Variants in VPS16 observed in about 807,000 individuals in gnomAD.
VPS16 encodes the protein vacuolar protein sorting-associated protein 16 homolog.
VPS16 carries 82 observed loss-of-function variants against 116.0 expected under a neutral mutation model. The observed-to-expected ratio is 0.71, with a 90% CI of 0.59 to 0.85. The LOEUF (loss-of-function observed/expected upper bound fraction) is 0.85, where lower values mean the gene tolerates loss of function less well. Among genes scored for constraint, VPS16 ranks in the 40% least tolerant of loss-of-function variants. The pLI, the probability that VPS16 is intolerant of heterozygous loss-of-function variation, is 0.00. For synonymous variants in VPS16, 406 were observed against 420.7 expected (o/e 0.96, Z 0.43); for missense variants, 928 against 1,090.6 (o/e 0.85, Z 2.10).
At position 2,860,542 on chromosome 20, in the gene VPS16, C is replaced by G; in HGVS notation, c.463C>G (p.Leu155Val). 1 of 1,613,978 alleles carries G rather than the reference C, an allele frequency of 6.2e-7. No individual in the cohort carries two copies. Among genetic ancestry groups the G allele is most frequent in the Non-Finnish European group, 8.5e-7 (1 of 1,180,018 alleles). The change falls in exon 5 of 24, where the codon CTC becomes GTC. Residue 155 changes from leucine to valine, a missense_variant. Physicochemically the swap from Leu to Val is conservative, Grantham distance 32. Coordinates refer to ENST00000380445, the MANE Select transcript of VPS16 (RefSeq NM_022575.4). The surrounding 1 kb of genome is among the most constrained non-coding windows in gnomAD (Gnocchi z 6.1). ...CCTCACAGGGGCCCACCGCTTCACC[C>G]TCAGTGCCAATGTGGGTGACCTCAA... is the stretch of plus-strand genomic sequence containing the variant. ...AILTGAHRFT[L>V]SANVGDLKLR...
chr20:2,850,764 T>G (rs1267154001), intron 1 of VPS16, among the ~76,000 whole-genome samples: 1 of 151,162 alleles, frequency 6.6e-6, no homozygotes, highest in African/African-American at 2.4e-5. Flanking sequence ...GCCCAGGAGT[T>G]TGAGACCAGC....
At chr20:2,840,907 CCTGTCA>C in intron 1 of VPS16, 80 bp downstream of exon 1, 1 of 1,379,082 alleles carries the variant, frequency 7.3e-7, no homozygotes, top group South Asian at 1.3e-5. Flanking sequence ...GGCGTTCGCC[CCTGTCA>C]CTACTGGCGC....
chr20:2,841,473 C>G (rs1267421859), intron 1 of VPS16, among the ~76,000 whole-genome samples: 2 of 152,248 alleles, frequency 1.3e-5, no homozygotes, highest in African/African-American at 4.8e-5. Flanking sequence ...TACCGCTCTC[C>G]TACCCAAATC....
intron 1 of VPS16, among the ~76,000 whole-genome samples, chr20:2,842,812 C>CTATCGATAGACAGATAGATG (rs2089007905): frequency 1.6e-5 from 2 of 123,358 alleles, no homozygotes; most frequent in African/African-American, 7.0e-5. Context: ...ATAGATGTAT[C>CTATCGATAGACAGATAGATG]TATCTATAGA....
intron 1 of VPS16, among the ~76,000 whole-genome samples, chr20:2,842,167 T>A (rs906076611): frequency 6.6e-6 from 1 of 152,172 alleles, no homozygotes; most frequent in African/African-American, 2.4e-5. Flanking sequence ...CCGAGCTTTG[T>A]GGCATGTTCC....
At position 2,860,565 on chromosome 20, in the gene VPS16, C is replaced by G. The variant is rs985736911; in HGVS notation, c.486C>G (p.Leu162=). The G allele has an allele frequency of 3.1e-6, 5 of 1,613,734 alleles. No homozygotes were observed. The highest frequency in any genetic ancestry group is 3.3e-5 in the Admixed American group (2 of 59,994). Residue 162 remains leucine (L), a synonymous_variant, in exon 5 of 24, where the codon CTC becomes CTG. Coordinates refer to ENST00000380445, the MANE Select transcript of VPS16 (RefSeq NM_022575.4). The surrounding 1 kb of genome is among the most constrained non-coding windows in gnomAD (Gnocchi z 6.1). The part of the protein sequence containing the change: ...RFTLSANVGD[L]KLRRMPEVPG... ...CCCTCAGTGCCAATGTGGGTGACCT[C>G]AAACTCCGCCGGATGCCAGAGGTGC...
At chr20:2,855,982 T>G (rs2089168013) in intron 1 of VPS16, among the ~76,000 whole-genome samples, 1 of 152,226 alleles carries the variant, frequency 6.6e-6, no homozygotes, top group Non-Finnish European at 1.5e-5. Context: ...CTTCAAGAAC[T>G]TTTCCTTTGC....
intron 1 of VPS16, among the ~76,000 whole-genome samples, chr20:2,848,947 G>C (rs1288319975): frequency 2.0e-5 from 3 of 152,154 alleles, no homozygotes; most frequent in Non-Finnish European, 4.4e-5. Context: ...TTGGGGTCAC[G>C]TATTGTCTTT....
intron 1 of VPS16, among the ~76,000 whole-genome samples, chr20:2,841,362 C>A (rs1303522765): frequency 1.3e-5 from 2 of 152,180 alleles, no homozygotes; most frequent in African/African-American, 4.8e-5. Context: ...ACATCGTTAC[C>A]CAGATTAGGA....
At chr20:2,858,863 C>T (rs966446332) in intron 1 of VPS16, among the ~76,000 whole-genome samples, 14 of 152,158 alleles carry the variant, frequency 9.2e-5, no homozygotes, top group African/African-American at 2.9e-4. Context: ...CAATCCAGGA[C>T]GACTCCCAGC....
rs375219360 is a variant in VPS16, at chr20:2,863,001, G to A, written c.1332-64G>A. 1.3e-4 allele frequency: 212 copies of A among 1,614,018 alleles called. No individual in the cohort carries two copies. The Middle Eastern group carries it at 1.6e-3, about 13-fold the overall frequency. On this transcript the variant is annotated intron_variant, in intron 13 of 23. Coordinates refer to ENST00000380445, the MANE Select transcript of VPS16 (RefSeq NM_022575.4). This position sits in a 1 kb window ranked among gnomAD's most constrained non-coding sequence, Gnocchi z 4.4. ...TGGCAGGGGAAGGGGCTGGAGATGCGTCTGCAGGTACCTGGCAAGCGGGGC... is the reference window on the plus strand; with the variant it reads ...TGGCAGGGGAAGGGGCTGGAGATGCATCTGCAGGTACCTGGCAAGCGGGGC...
chr20:2,860,895 G>A lies in VPS16; in HGVS notation c.630+32G>A. The A allele has an allele frequency of 1.9e-6, 3 of 1,614,106 alleles. No homozygotes were observed. Among genetic ancestry groups the A allele is most frequent in the Non-Finnish European group, 2.5e-6 (3 of 1,180,048 alleles). The stretch of plus-strand genomic sequence containing the variant: ...GCCCTGAGTGGGAATGAAGTGGACG[G>A]GCTGGGTTAGGCAATAGGGAGGTTC... On this transcript the variant is annotated intron_variant, in intron 6 of 23. Transcript: ENST00000380445. This position sits in a 1 kb window ranked among gnomAD's most constrained non-coding sequence, Gnocchi z 6.1.
Position 2,862,094 on chromosome 20 carries a change from C to G in VPS16, c.1035C>G (p.Pro345=). 1 of 1,613,828 alleles carries G rather than the reference C, an allele frequency of 6.2e-7. No homozygotes were observed. The highest frequency in any genetic ancestry group is 8.5e-7 in the Non-Finnish European group (1 of 1,179,920). The change falls in exon 11 of 24, where the codon CCC becomes CCG. Residue 345 remains proline (P), a synonymous_variant. Coordinates refer to ENST00000380445, the MANE Select transcript of VPS16 (RefSeq NM_022575.4). ...EEIFKIASMA[P]GALLLEAQKE... is the part of the protein sequence containing the mutation. ...TCTTCAAAATTGCCTCAATGGCCCC[C>G]GGGGCGCTGCTCCTGGAGGCTCAGA...
At position 2,865,166 on chromosome 20, in the gene VPS16, C is replaced by T. The variant is rs772613070; in HGVS notation, c.2023C>T (p.Arg675Trp). 12 of 1,614,024 alleles carry T rather than the reference C, an allele frequency of 7.4e-6. No homozygotes were observed. Among genetic ancestry groups the T allele is most frequent in the Admixed American group, 3.3e-5 (2 of 60,002 alleles). Residue 675 changes from arginine to tryptophan, a missense_variant, in exon 21 of 24, where the codon CGG becomes TGG. Transcript: ENST00000380445. This position sits in a 1 kb window ranked among gnomAD's most constrained non-coding sequence, Gnocchi z 5.2. ...FAAKATEDQM[R>W]LLRLQRRLED... ...TCCCCAGGCTACAGAGGATCAAATG[C>T]GGCTCCTACGGCTGCAGCGGCGCCT...
rs912095392 is a variant in VPS16 at position 2,864,975 on chromosome 20, T to C, written c.1927-3T>C. On this transcript the variant is annotated splice_region_variant and splice_polypyrimidine_tract_variant and intron_variant, in intron 19 of 23. Transcript: ENST00000380445. This position sits in a 1 kb window ranked among gnomAD's most constrained non-coding sequence, Gnocchi z 5.2. ...GTTCAGGCCTTCCTTCTTGTCTTTATAGCGTATTGAGGGGCGAGTAGCAGC... is the reference window on the plus strand; with the variant it reads ...GTTCAGGCCTTCCTTCTTGTCTTTACAGCGTATTGAGGGGCGAGTAGCAGC... 6.2e-7 allele frequency: 1 copy of C among 1,614,150 alleles called. No individual in the cohort carries two copies. The highest frequency in any genetic ancestry group is 8.5e-7 in the Non-Finnish European group (1 of 1,180,010).
At chr20:2,851,908 T>A (rs1247352828) in intron 1 of VPS16, among the ~76,000 whole-genome samples, 1 of 152,092 alleles carries the variant, frequency 6.6e-6, no homozygotes, top group Non-Finnish European at 1.5e-5. Context: ...GAGGCGGAGC[T>A]TGCAGGAGCC....
At chr20:2,846,589 A>G (rs1299224583) in intron 1 of VPS16, among the ~76,000 whole-genome samples, 1 of 152,160 alleles carries the variant, frequency 6.6e-6, no homozygotes, top group Non-Finnish European at 1.5e-5. Context: ...GGCTGGAAAC[A>G]AGGGATTTCA....
chr20:2,866,365 G>A (rs773579720), intron 23 of VPS16, 50 bp downstream of exon 23: 74 of 1,614,010 alleles, frequency 4.6e-5, no homozygotes, highest in Non-Finnish European at 5.4e-5. Context: ...CTGTGGGCTG[G>A]TGAGAGGCAG....
intron 11 of VPS16, 114 bp from the exon 12 acceptor site, chr20:2,862,465 G>T: frequency 6.6e-7 from 1 of 1,512,314 alleles, no homozygotes; most frequent in Non-Finnish European, 8.9e-7. Context: ...TGGGGCTCCA[G>T]CCTGTGCAGC....
Sources: allele counts gnomAD v4.1 joint callset (sites outside exome capture counted in the v4.1 genomes callset), GRCh38; gene constraint gnomAD v4.1.1; non-coding constraint Gnocchi (gnomAD v3.1); transcripts MANE v1.5; gene names NCBI Gene and HGNC (gene_info 2026-07-23, HGNC 2026-07-21).